The following CSMD2 variants were observed in gnomAD, a reference collection of about 807,000 sequenced individuals.
The protein encoded by CSMD2 is CUB and Sushi multiple domains 2.
Under a neutral mutation model 398.5 loss-of-function variants are expected in CSMD2, and 130 were observed. The observed-to-expected ratio is 0.33, with a 90% CI of 0.28 to 0.38. The LOEUF (loss-of-function observed/expected upper bound fraction) is 0.38. CSMD2 is among the 10% of genes least tolerant of loss of function. The pLI is 1.00. For missense variants in CSMD2, 3,829 were observed against 4,764.9 expected, an observed-to-expected ratio of 0.80 and a Z score of 5.78; for synonymous variants, 1,828 against 1,908.5, an observed-to-expected ratio of 0.96 and a Z score of 1.10.
intron 12 of CSMD2, among the ~76,000 whole-genome samples, chr1:33,777,785 C>T (rs1209142387): frequency 6.6e-6 from 1 of 152,186 alleles, no homozygotes; most frequent in Non-Finnish European, 1.5e-5. Context: ...CTTCCCCTTT[C>T]TCAGCTGTTT....
intron 10 of CSMD2, among the ~76,000 whole-genome samples, chr1:33,797,749 C>T (rs756830026): frequency 3.9e-5 from 6 of 152,138 alleles, no homozygotes; most frequent in Admixed American, 3.9e-4. Context: ...GGAGGAAGGG[C>T]CTGGGCTCTG....
chr1:34,066,189 A>G lies in CSMD2; in HGVS notation c.404+22788T>C, dbSNP rs566579009. 2.7e-4 allele frequency among the ~76,000 whole-genome samples: 41 copies of G among 152,316 alleles called. No homozygotes were observed. In the East Asian group the frequency reaches 6.4e-3, roughly 24 times the overall value. On this transcript the variant is annotated intron_variant, in intron 2 of 70. Coordinates refer to ENST00000373381, the MANE Select transcript of CSMD2 (RefSeq NM_001281956.2). ...AGTGCTGGGTGCAAGGATGTGTTAT[A>G]TGTACGAGTGTTTTTTATGCAGACA...
At chr1:33,576,684 C>T (rs770801551) in intron 49 of CSMD2, among the ~76,000 whole-genome samples, 6 of 152,114 alleles carry the variant, frequency 3.9e-5, no homozygotes, top group South Asian at 2.1e-4. Context: ...GCTTTGTACA[C>T]GGATGATCCT....
intron 5 of CSMD2, among the ~76,000 whole-genome samples, chr1:33,889,331 A>G (rs1641823779): frequency 6.6e-6 from 1 of 152,218 alleles, no homozygotes; most frequent in African/African-American, 2.4e-5. Flanking sequence ...ATTACTAACT[A>G]CACTAATAAT....
chr1:33,652,711 C>T (rs193212605), intron 27 of CSMD2, among the ~76,000 whole-genome samples: 42 of 152,290 alleles, frequency 2.8e-4, no homozygotes, highest in Admixed American at 4.6e-4. Context: ...CATTGAAAAA[C>T]AGGTAATTTT....
rs1292224197 is a variant in CSMD2 at position 34,164,160 on chromosome 1, A to C, written c.187+751T>G. Among the ~76,000 whole-genome samples the C allele has an allele frequency of 1.3e-5, 2 of 152,058 alleles. No individual in the cohort carries two copies. Among genetic ancestry groups the C allele is most frequent in the African/African-American group, 4.8e-5 (2 of 41,420 alleles). ...GAGTGAGCACCGAGGGGAATGTGGC[A>C]GCGCGAAGCCTGGCGGCGGCACTCC... On this transcript the variant is annotated intron_variant, in intron 1 of 70. Coordinates refer to ENST00000373381, the MANE Select transcript of CSMD2 (RefSeq NM_001281956.2). The surrounding 1 kb of genome is among the most constrained non-coding windows in gnomAD (Gnocchi z 6.2).
chr1:33,789,424 C>T (rs1653960023), intron 11 of CSMD2, among the ~76,000 whole-genome samples: 2 of 152,212 alleles, frequency 1.3e-5, no homozygotes, highest in South Asian at 2.1e-4. Context: ...GGGTTGTCAG[C>T]CCATAGTACA....
Position 34,114,962 on chromosome 1 carries a change from A to T in CSMD2, c.188-25769T>A, listed in dbSNP as rs537487928. Among the ~76,000 whole-genome samples the T allele has an allele frequency of 3.3e-5, 5 of 152,290 alleles. No homozygotes were observed. The South Asian group carries it at 1.0e-3, about 32-fold the overall frequency. On this transcript the variant is annotated intron_variant, in intron 1 of 70. Coordinates refer to ENST00000373381, the MANE Select transcript of CSMD2 (RefSeq NM_001281956.2). ...GAAGACTATAATAACTGAATTTAAA[A>T]TTTTACTGGAGGGGTTCAATAACAG...
At chr1:34,054,063 C>T (rs1653534114) in intron 2 of CSMD2, among the ~76,000 whole-genome samples, 2 of 152,138 alleles carry the variant, frequency 1.3e-5, no homozygotes, top group South Asian at 4.1e-4. Flanking sequence ...CCAACTATTC[C>T]TAAATGTCAA....
intron 2 of CSMD2, among the ~76,000 whole-genome samples, chr1:34,087,328 G>A (rs1400473749): frequency 1.3e-5 from 2 of 151,980 alleles, no homozygotes; most frequent in Non-Finnish European, 2.9e-5. Flanking sequence ...GCAGGGACAT[G>A]GATGAAGCTG....
intron 6 of CSMD2, among the ~76,000 whole-genome samples, chr1:33,837,097 T>C (rs370347541): frequency 4.6e-5 from 7 of 152,190 alleles, no homozygotes; most frequent in African/African-American, 1.7e-4. Context: ...CCCTGAGTTA[T>C]ATATAGCCAT....
chr1:33,978,791 G>T (rs1305388747), intron 3 of CSMD2, among the ~76,000 whole-genome samples: 12 of 152,142 alleles, frequency 7.9e-5, no homozygotes, highest in Non-Finnish European at 1.5e-5. Context: ...CCTCCTCATT[G>T]TTTCCAGGAA....
At chr1:33,734,113 T>G (rs1646807453) in intron 15 of CSMD2, among the ~76,000 whole-genome samples, 1 of 152,230 alleles carries the variant, frequency 6.6e-6, no homozygotes, top group African/African-American at 2.4e-5. Context: ...CAAAATGAGC[T>G]ACCACCACCA....
rs148495735 is a variant in CSMD2, at chr1:33,846,930, T to G, written c.987A>C (p.Thr329=). 3.1e-6 allele frequency: 5 copies of G among 1,610,698 alleles called. No homozygotes were observed. Among genetic ancestry groups the G allele is most frequent in the Non-Finnish European group, 4.2e-6 (5 of 1,178,236 alleles). ...SSKNWLRLHF[T]SDGNHRQRGF... is the part of the protein sequence containing the mutation. ...CGCGCTGCCGGTGGTTGCCATCCGATGTGAAGTGCAGTCGCAGCCAGTTCT... is the reference window on the plus strand; with the variant it reads ...CGCGCTGCCGGTGGTTGCCATCCGAGGTGAAGTGCAGTCGCAGCCAGTTCT... Residue 329 remains threonine, a synonymous_variant, in exon 6 of 71, where the codon ACA becomes ACC. Transcript: ENST00000373381.
At chr1:33,816,612 C>T (rs1260858360) in intron 9 of CSMD2, among the ~76,000 whole-genome samples, 1 of 152,234 alleles carries the variant, frequency 6.6e-6, no homozygotes, top group African/African-American at 2.4e-5. Context: ...CTGCCTGTAT[C>T]TGGGGCTGAA....
At chr1:34,101,023 A>G (rs1175118197) in intron 1 of CSMD2, among the ~76,000 whole-genome samples, 2 of 152,216 alleles carry the variant, frequency 1.3e-5, no homozygotes, top group Admixed American at 1.3e-4. Context: ...TAAGTTGAAG[A>G]AGTTATAACC....
At chr1:33,699,068 G>T in intron 23 of CSMD2, 124 bp from the exon 24 acceptor site, 3 of 693,090 alleles carry the variant, frequency 4.3e-6, no homozygotes, top group Non-Finnish European at 7.0e-6. Flanking sequence ...GGTTCTGATG[G>T]ATTCACCAGT....
At chr1:33,996,384 T>C (rs1031349534) in intron 3 of CSMD2, among the ~76,000 whole-genome samples, 3 of 152,254 alleles carry the variant, frequency 2.0e-5, no homozygotes, top group Admixed American at 6.5e-5. Context: ...AAAACCTCTT[T>C]GCCTACCAGC....
intron 13 of CSMD2, among the ~76,000 whole-genome samples, chr1:33,759,030 T>A (rs1199883037): frequency 6.6e-6 from 1 of 152,212 alleles, no homozygotes; most frequent in Non-Finnish European, 1.5e-5. Context: ...AGTTTCGGGC[T>A]GTTGATGCCA....
Sources: allele counts gnomAD v4.1 joint callset (sites outside exome capture counted in the v4.1 genomes callset), GRCh38; gene constraint gnomAD v4.1.1; non-coding constraint Gnocchi (gnomAD v3.1); transcripts MANE v1.5; gene names NCBI Gene and HGNC (gene_info 2026-07-23, HGNC 2026-07-21).